Variants in GABRB1 observed in about 807,000 individuals in gnomAD.
GABRB1 encodes gamma-aminobutyric acid receptor subunit beta-1.
A neutral mutation model predicts 51.6 loss-of-function variants in GABRB1; 17 were observed. The observed-to-expected ratio is 0.33, with a 90% CI of 0.23 to 0.49. The LOEUF (loss-of-function observed/expected upper bound fraction) is 0.49. GABRB1 is among the 20% of genes least tolerant of loss of function. The pLI, the probability that GABRB1 is intolerant of heterozygous loss-of-function variation, is 0.99. For synonymous variants in GABRB1, 247 were observed against 218.9 expected (o/e 1.13, Z -1.14); for missense variants, 410 against 600.6 (o/e 0.68, Z 3.32).
chr4:47,066,023 T>C (rs1294593678), intron 3 of GABRB1, among the ~76,000 whole-genome samples: 1 of 152,124 alleles, frequency 6.6e-6, no homozygotes, highest in Non-Finnish European at 1.5e-5. Context: ...AAAACCAACT[T>C]AATTAATCAA....
chr4:47,023,917 G>C (rs539684631), intron 1 of GABRB1, among the ~76,000 whole-genome samples: 2 of 151,702 alleles, frequency 1.3e-5, no homozygotes, highest in Non-Finnish European at 3.0e-5. Flanking sequence ...CTTTTTCTCT[G>C]TTCTTTTCTT....
At chr4:47,078,125 G>T (rs2109560432) in intron 3 of GABRB1, among the ~76,000 whole-genome samples, 1 of 150,342 alleles carries the variant, frequency 6.7e-6, no homozygotes, top group East Asian at 2.0e-4. Flanking sequence ...GAGAAGTTGG[G>T]ATTACAGGCA....
chr4:46,997,394 C>A (rs1240191949), intron 1 of GABRB1, among the ~76,000 whole-genome samples: 1 of 150,606 alleles, frequency 6.6e-6, no homozygotes, highest in Non-Finnish European at 1.5e-5. Context: ...TCATGTTGTA[C>A]ATTAGATCTT....
chr4:47,203,930 G>A (rs1720009778), intron 4 of GABRB1, among the ~76,000 whole-genome samples: 1 of 152,068 alleles, frequency 6.6e-6, no homozygotes, highest in South Asian at 2.1e-4. Context: ...ATCCTCAGAG[G>A]ACCTTAGATA....
At chr4:47,003,264 A>G (rs1197544038) in intron 1 of GABRB1, among the ~76,000 whole-genome samples, 2 of 152,194 alleles carry the variant, frequency 1.3e-5, no homozygotes, top group Admixed American at 1.3e-4. Context: ...CACTTGTGAA[A>G]TCCACCTCCT....
rs1335196706 is a variant in GABRB1, at chr4:47,081,527, A to G, written c.240+49043A>G. On this transcript the variant is annotated intron_variant, in intron 3 of 8. Transcript: ENST00000295454. ...TTGTGCAATATATCCTTTCTCTGCTATCTTTCAAATATTCAGATATGGTGT... is the reference window on the plus strand; with the variant it reads ...TTGTGCAATATATCCTTTCTCTGCTGTCTTTCAAATATTCAGATATGGTGT... Among the ~76,000 whole-genome samples, 7 of 152,268 alleles carry G rather than the reference A, an allele frequency of 4.6e-5. No homozygotes were observed. In the East Asian group the frequency reaches 7.7e-4, roughly 17 times the overall value.
intron 4 of GABRB1, among the ~76,000 whole-genome samples, chr4:47,286,879 A>G (rs181987939): frequency 3.5e-4 from 53 of 152,356 alleles, no homozygotes; most frequent in Admixed American, 3.4e-3. Context: ...ATCAATTGAT[A>G]ACTATGATGC....
chr4:47,059,730 C>T (rs1726768399), intron 3 of GABRB1, among the ~76,000 whole-genome samples: 1 of 152,188 alleles, frequency 6.6e-6, no homozygotes. Context: ...CATGCCTCCC[C>T]TCTAAAACAT....
At chr4:47,010,082 T>C (rs909047294) in intron 1 of GABRB1, among the ~76,000 whole-genome samples, 1 of 152,196 alleles carries the variant, frequency 6.6e-6, no homozygotes, top group African/African-American at 2.4e-5. Context: ...ATTTGGCTGT[T>C]TTGCTGCAGA....
intron 4 of GABRB1, among the ~76,000 whole-genome samples, chr4:47,216,367 T>C (rs1460529285): frequency 6.6e-6 from 1 of 151,918 alleles, no homozygotes; most frequent in Non-Finnish European, 1.5e-5. Flanking sequence ...AAAATAGTCA[T>C]GGTGATTGTA....
At chr4:47,388,124 A>G (rs1301564481) in intron 5 of GABRB1, among the ~76,000 whole-genome samples, 1 of 152,244 alleles carries the variant, frequency 6.6e-6, no homozygotes, top group Non-Finnish European at 1.5e-5. Flanking sequence ...CAAAATACAT[A>G]AAGAATATTA....
At chr4:47,161,119 C>T in intron 3 of GABRB1, 130 bp from the exon 4 acceptor site, 2 of 646,402 alleles carry the variant, frequency 3.1e-6, no homozygotes, top group Non-Finnish European at 5.2e-6. Flanking sequence ...TATTGGTTAC[C>T]TTATACCTCT....
chr4:47,363,968 G>A (rs952932455), intron 5 of GABRB1, among the ~76,000 whole-genome samples: 1 of 152,164 alleles, frequency 6.6e-6, no homozygotes, highest in African/African-American at 2.4e-5. Flanking sequence ...TCTTTTATGA[G>A]CTGGAGATCT....
chr4:47,342,416 A>G (rs1485792738), intron 5 of GABRB1, among the ~76,000 whole-genome samples: 1 of 152,194 alleles, frequency 6.6e-6, no homozygotes, highest in Non-Finnish European at 1.5e-5. Context: ...TTTCAATGCA[A>G]AAGGATTAAA....
chr4:47,301,985 A>T (rs894368100), intron 4 of GABRB1, among the ~76,000 whole-genome samples: 7 of 152,166 alleles, frequency 4.6e-5, no homozygotes, highest in African/African-American at 1.7e-4. Context: ...AATCTTTCAC[A>T]ATTTTTTTTC....
chr4:47,135,767 C>G (rs1716621840), intron 3 of GABRB1, among the ~76,000 whole-genome samples: 1 of 152,000 alleles, frequency 6.6e-6, no homozygotes, highest in African/African-American at 2.4e-5. Flanking sequence ...AAAGCATTTT[C>G]CTAATTAAAA....
At chr4:47,050,445 A>G (rs1029362451) in intron 3 of GABRB1, among the ~76,000 whole-genome samples, 1 of 152,188 alleles carries the variant, frequency 6.6e-6, no homozygotes, top group Admixed American at 6.5e-5. Context: ...ATATATACAT[A>G]CATATATTTT....
intron 3 of GABRB1, among the ~76,000 whole-genome samples, chr4:47,098,008 C>A (rs972126511): frequency 3.3e-5 from 5 of 152,122 alleles, no homozygotes; most frequent in Admixed American, 6.6e-5. Flanking sequence ...TTTGGCCTTG[C>A]CAAGTTGGGA....
intron 4 of GABRB1, among the ~76,000 whole-genome samples, chr4:47,256,346 A>T (rs912747223): frequency 5.3e-5 from 8 of 152,248 alleles, no homozygotes; most frequent in Non-Finnish European, 1.2e-4. Context: ...AAAGAATTTA[A>T]TGGGTTTCAC....
Sources: gnomAD v4.1 joint callset for allele counts (sites outside exome capture counted in the v4.1 genomes callset) on GRCh38, gnomAD v4.1.1 for gene constraint, MANE v1.5 for transcripts, NCBI Gene and HGNC (gene_info 2026-07-23, HGNC 2026-07-21) for gene names.